CARS2: variants seen among roughly 807,000 people sequenced by gnomAD.
The protein encoded by CARS2 is cysteinyl-tRNA synthetase 2, mitochondrial.
A neutral mutation model predicts 68.8 loss-of-function variants in CARS2; 52 were observed. The observed-to-expected ratio is 0.76, with a 90% confidence interval of 0.61 to 0.95. The LOEUF (loss-of-function observed/expected upper bound fraction) is 0.95. CARS2 is among the 40% of genes least tolerant of loss of function. CARS2 has a pLI of 0.00. For missense variants in CARS2, 780 were observed against 754.2 expected (o/e 1.03, Z -0.40); for synonymous variants, 314 against 303.6 (o/e 1.03, Z -0.36).
chr13:110,699,296 C>G (rs2063715928), intron 3 of CARS2, among the ~76,000 whole-genome samples: 1 of 152,220 alleles, frequency 6.6e-6, no homozygotes. Flanking sequence ...TGCCAAACAG[C>G]AGCCCACCAC....
Position 110,667,430 on chromosome 13 carries a change from C to A in CARS2, c.829G>T (p.Asp277Tyr). ...SQLDIHSGGI[D>Y]LAFPHHENEI... Reference sequence around the variant, plus strand: ...TTTTCATGATGTGGAAAAGCTAAATCTATCCCACCTGAATGGATATCCAGT... The same window carrying A: ...TTTTCATGATGTGGAAAAGCTAAATATATCCCACCTGAATGGATATCCAGT... Residue 277 changes from aspartate (D) to tyrosine (Y), a missense_variant, in exon 8 of 15, where the codon GAT becomes TAT. Physicochemically the swap from Asp to Tyr is radical, Grantham distance 160 (BLOSUM62 -3). Transcript: ENST00000257347. 4 of 1,613,988 alleles carry A rather than the reference C, an allele frequency of 2.5e-6. No homozygotes were observed. The highest frequency in any genetic ancestry group is 3.4e-6 in the Non-Finnish European group (4 of 1,179,846).
intron 3 of CARS2, among the ~76,000 whole-genome samples, chr13:110,695,793 T>C (rs752341768): frequency 9.2e-5 from 14 of 151,956 alleles, no homozygotes; most frequent in Non-Finnish European, 2.1e-4. Context: ...TTTTTTAAAT[T>C]ATACTTTAAG....
At chr13:110,647,529 C>A (rs560029456) in intron 10 of CARS2, among the ~76,000 whole-genome samples, 4 of 151,830 alleles carry the variant, frequency 2.6e-5, no homozygotes, top group Admixed American at 6.6e-5. Context: ...GATGGAGGTG[C>A]GGATGAATGG....
At chr13:110,693,498 T>G (rs548343839) in intron 3 of CARS2, among the ~76,000 whole-genome samples, 1 of 152,224 alleles carries the variant, frequency 6.6e-6, no homozygotes, top group Non-Finnish European at 1.5e-5. Context: ...TAGCTGGGAC[T>G]ACAGGTGCCC....
chr13:110,705,501 T>C lies in CARS2; in HGVS notation c.275+20A>G, dbSNP rs1240621968. 6.4e-7 allele frequency: 1 copy of C among 1,564,726 alleles called. No individual in the cohort carries two copies. The highest frequency in any genetic ancestry group is 1.9e-5 in the Admixed American group (1 of 51,944). ...TAAATGGTCCTTTGAAGTATGAAAA[T>C]TCAAATCCAGGAAACTCACCAAGCA... On this transcript the variant is annotated intron_variant, in intron 2 of 14. Transcript: ENST00000257347. The surrounding 1 kb of genome is among the most constrained non-coding windows in gnomAD (Gnocchi z 4.0).
intron 14 of CARS2, 86 bp from the exon 15 acceptor site, chr13:110,641,694 G>T: frequency 9.2e-7 from 1 of 1,086,350 alleles, no homozygotes; most frequent in Non-Finnish European, 1.4e-6. Context: ...GGTTCAGGGT[G>T]CCTGTTCCCT....
intron 5 of CARS2, among the ~76,000 whole-genome samples, chr13:110,684,783 C>T (rs1378693695): frequency 3.3e-5 from 5 of 151,842 alleles, no homozygotes; most frequent in Non-Finnish European, 7.4e-5. Flanking sequence ...GAAACCACTC[C>T]CTTAAATGGT....
intron 7 of CARS2, among the ~76,000 whole-genome samples, chr13:110,671,199 A>T (rs888696395): frequency 3.9e-5 from 6 of 152,240 alleles, no homozygotes; most frequent in Admixed American, 1.3e-4. Flanking sequence ...ATTCACATTC[A>T]GAAAATACAG....
chr13:110,651,004 G>GA lies in CARS2; in HGVS notation c.1054+29_1054+30insT. ...AGAATGACTGTCTCCGAGCTGGGGGGGGAGTCCACTCCACGTGTGCTCGGC... is the reference window on the plus strand; with the variant it reads ...AGAATGACTGTCTCCGAGCTGGGGGGAGGAGTCCACTCCACGTGTGCTCGGC... On this transcript the variant is annotated intron_variant, in intron 10 of 14. Transcript: ENST00000257347. 1.9e-6 allele frequency: 3 copies of GA among 1,548,442 alleles called. No homozygotes were observed. In the South Asian group the frequency reaches 3.4e-5, roughly 17 times the overall value.
chr13:110,713,030 C>A, intron 1 of CARS2: 2 of 1,492,140 alleles, frequency 1.3e-6, no homozygotes, highest in Non-Finnish European at 8.9e-7. Context: ...CGAGAGGGTG[C>A]CAGTGCGCAT....
chr13:110,652,174 A>C (rs951791284), intron 9 of CARS2, among the ~76,000 whole-genome samples: 6 of 152,216 alleles, frequency 3.9e-5, no homozygotes, highest in African/African-American at 1.4e-4. Context: ...TAAACCCGAT[A>C]CCCTCTTCTC....
chr13:110,647,615 C>A (rs1052493898), intron 10 of CARS2, among the ~76,000 whole-genome samples: 2 of 107,406 alleles, frequency 1.9e-5, no homozygotes, highest in Non-Finnish European at 3.6e-5. Flanking sequence ...AAAGAGGGAG[C>A]CCCGCCCTGG....
chr13:110,700,724 GAC>G (rs2063760050), intron 3 of CARS2, among the ~76,000 whole-genome samples: 1 of 152,228 alleles, frequency 6.6e-6, no homozygotes, highest in Non-Finnish European at 1.5e-5. Flanking sequence ...AAACTATCAA[GAC>G]ACAGACATGA....
chr13:110,705,558 G>A lies in CARS2; in HGVS notation c.238C>T (p.Pro80Ser), dbSNP rs1408025958. The change falls in exon 2 of 15, where the codon CCA (proline) becomes TCA (serine). Residue 80 changes from proline to serine, a missense_variant. Physicochemically the swap from Pro to Ser is moderately conservative, Grantham distance 74. Coordinates refer to ENST00000257347, the MANE Select transcript of CARS2 (RefSeq NM_024537.4). The surrounding 1 kb of genome is among the most constrained non-coding windows in gnomAD (Gnocchi z 4.0). The stretch of plus-strand genomic sequence containing the variant: ...AGGTGCGCATGATCATATACAGTTG[G>A]TCCACAGCTATACCTGGAAACAAAG... ...AEAASWYSCG[P>S]TVYDHAHLGH... 2 of 1,613,148 alleles carry A rather than the reference G, an allele frequency of 1.2e-6. No homozygotes were observed. Among genetic ancestry groups the A allele is most frequent in the Non-Finnish European group, 8.5e-7 (1 of 1,179,166 alleles).
upstream of CARS2, among the ~76,000 whole-genome samples, chr13:110,710,610 T>G (rs991134915): frequency 3.3e-5 from 5 of 152,240 alleles, no homozygotes; most frequent in African/African-American, 9.6e-5. Flanking sequence ...ATCTTCAAAA[T>G]TAAGCACCTT....
At chr13:110,702,785 G>A (rs914005129) in intron 2 of CARS2, among the ~76,000 whole-genome samples, 1 of 152,164 alleles carries the variant, frequency 6.6e-6, no homozygotes, top group Admixed American at 6.5e-5. Flanking sequence ...CGCCTTGCAA[G>A]TGCCGGGCAG....
rs764405976 is a variant in CARS2, at chr13:110,676,994, G to T, written c.765C>A (p.Ile255=). Residue 255 remains isoleucine, a synonymous_variant, in exon 7 of 15, where the codon ATC becomes ATA. Transcript: ENST00000257347. This position sits in a 1 kb window ranked among gnomAD's most constrained non-coding sequence, Gnocchi z 4.0. ...PWGPGRPGWH[I]ECSAIASMVF... Reference sequence around the variant, plus strand: ...CTTACCTAGCGATGGCAGAGCACTCGATGTGCCAGCCCGGCCTCCCGGGTC... The same window carrying T: ...CTTACCTAGCGATGGCAGAGCACTCTATGTGCCAGCCCGGCCTCCCGGGTC... 5.2e-5 allele frequency: 83 copies of T among 1,593,104 alleles called. No individual in the cohort carries two copies. Among genetic ancestry groups the T allele is most frequent in the Non-Finnish European group, 6.9e-5 (80 of 1,166,008 alleles).
chr13:110,709,023 A>G (rs1483372556), upstream of CARS2, among the ~76,000 whole-genome samples: 1 of 151,550 alleles, frequency 6.6e-6, no homozygotes, highest in Non-Finnish European at 1.5e-5. Context: ...CAGCCTCCCA[A>G]AGCGGTGGGA....
At position 110,670,828 on chromosome 13, in the gene CARS2, C is replaced by T. The variant is rs922541413; in HGVS notation, c.786-3355G>A. On this transcript the variant is annotated intron_variant, in intron 7 of 14. Coordinates refer to ENST00000257347, the MANE Select transcript of CARS2 (RefSeq NM_024537.4). This position sits in a 1 kb window ranked among gnomAD's most constrained non-coding sequence, Gnocchi z 4.1. The stretch of plus-strand genomic sequence containing the variant: ...CTAAAAACCTTCAAAAAAGATTAGA[C>T]GAATGGCTAACCAGAATAAACAGCA... 1.5e-4 allele frequency among the ~76,000 whole-genome samples: 23 copies of T among 152,082 alleles called. No individual in the cohort carries two copies. Among genetic ancestry groups the T allele is most frequent in the African/African-American group, 2.9e-4 (12 of 41,408 alleles).
Sources: allele counts gnomAD v4.1 joint callset (sites outside exome capture counted in the v4.1 genomes callset), GRCh38; gene constraint gnomAD v4.1.1; non-coding constraint Gnocchi (gnomAD v3.1); transcripts MANE v1.5; gene names NCBI Gene and HGNC (gene_info 2026-07-23, HGNC 2026-07-21).